The following FKBP6 variants were observed in gnomAD, a reference collection of about 807,000 sequenced individuals.
FKBP6 encodes the protein FKBP prolyl isomerase family member 6 (inactive).
FKBP6 carries 29 observed loss-of-function variants against 41.7 expected under a neutral mutation model. That is an observed-to-expected ratio of 0.70 (90% CI 0.52 to 0.95). The LOEUF (loss-of-function observed/expected upper bound fraction) is 0.95. Among genes scored for constraint, FKBP6 ranks in the 40% least tolerant of loss-of-function variants. The pLI is 0.00. For synonymous variants in FKBP6, 130 were observed against 165.1 expected, an observed-to-expected ratio of 0.79 and a Z score of 1.63; for missense variants, 338 against 408.7, an observed-to-expected ratio of 0.83 and a Z score of 1.49.
chr7:73,342,769 A>G, intron 7 of FKBP6, 38 bp from the exon 8 acceptor site: 1 of 1,431,028 alleles, frequency 7.0e-7, no homozygotes, highest in South Asian at 1.1e-5. Flanking sequence ...TCCTCCAAAC[A>G]CAGACCTCCT....
In FKBP6 at chr7:73,328,273, A is replaced by G. The variant is rs1554546635; in HGVS notation, c.-156A>G. The G allele has an allele frequency of 2.6e-6, 4 of 1,549,168 alleles. No individual in the cohort carries two copies. The South Asian group carries it at 3.6e-5, about 14-fold the overall frequency. On this transcript the variant is annotated 5_prime_UTR_variant, in exon 1 of 9. An upstream start codon of the reference 5' UTR is lost. Coordinates refer to ENST00000252037, the MANE Select transcript of FKBP6 (RefSeq NM_003602.5). ...CGTTGGCGGCGGTTGGAACGAAACG[A>G]TGAGTGCCTCCTCGTGGCCCCAGAA... is the stretch of plus-strand genomic sequence containing the variant.
intron 3 of FKBP6, chr7:73,329,791 C>T (rs1353998246): frequency 1.9e-6 from 1 of 522,286 alleles, no homozygotes; most frequent in Non-Finnish European, 3.5e-6. Flanking sequence ...CCTTAAGGAC[C>T]TCACAATGTA....
chr7:73,349,112 A>G (rs559725710), intron 8 of FKBP6, among the ~76,000 whole-genome samples: 1 of 152,058 alleles, frequency 6.6e-6, no homozygotes, highest in South Asian at 2.1e-4. Context: ...CCCAAAAAAA[A>G]AAATTTAAAA....
intron 6 of FKBP6, 145 bp downstream of exon 6, chr7:73,340,977 G>T: frequency 2.8e-6 from 2 of 716,716 alleles, no homozygotes; most frequent in East Asian, 2.7e-5. Context: ...AGGATGGAGT[G>T]CAGTGGCGCA....
intron 8 of FKBP6, among the ~76,000 whole-genome samples, chr7:73,356,849 C>T (rs965571750): frequency 1.3e-5 from 2 of 152,170 alleles, no homozygotes; most frequent in Admixed American, 6.5e-5. Context: ...GGCGTGATCT[C>T]GGCTCACTGC....
intron 8 of FKBP6, among the ~76,000 whole-genome samples, chr7:73,354,145 C>T (rs1805565478): frequency 6.6e-6 from 1 of 152,170 alleles, no homozygotes; most frequent in Non-Finnish European, 1.5e-5. Flanking sequence ...GGCCCACCCC[C>T]AAAACCGGGA....
intron 8 of FKBP6, among the ~76,000 whole-genome samples, chr7:73,348,609 C>G (rs1376711682): frequency 6.6e-6 from 1 of 152,218 alleles, no homozygotes; most frequent in Non-Finnish European, 1.5e-5. Context: ...AGTGCATACT[C>G]CACAGGTTAA....
At chr7:73,343,578 T>A (rs949820760) in intron 8 of FKBP6, among the ~76,000 whole-genome samples, 1 of 152,120 alleles carries the variant, frequency 6.6e-6, no homozygotes, top group Non-Finnish European at 1.5e-5. Flanking sequence ...TACTTTCTAT[T>A]AGACTTAGAG....
At chr7:73,328,829 A>G in intron 2 of FKBP6, 137 bp downstream of exon 2, 1 of 1,502,226 alleles carries the variant, frequency 6.7e-7, no homozygotes, top group Non-Finnish European at 9.2e-7. Context: ...TTGTTTTTGA[A>G]ACGGGGTCTT....
At chr7:73,336,553 CAGG>C (rs1289741112) in intron 5 of FKBP6, among the ~76,000 whole-genome samples, 2 of 152,046 alleles carry the variant, frequency 1.3e-5, no homozygotes, top group African/African-American at 4.8e-5. Context: ...GTAAAATTTT[CAGG>C]AGTTTTGTGC....
At chr7:73,330,966 C>T (rs1238326477) in intron 4 of FKBP6, among the ~76,000 whole-genome samples, 1 of 152,228 alleles carries the variant, frequency 6.6e-6, no homozygotes, top group Non-Finnish European at 1.5e-5. Flanking sequence ...CCATCTGTGG[C>T]CTTAGAGGTC....
At chr7:73,337,310 T>TC (rs1805036183) in intron 5 of FKBP6, among the ~76,000 whole-genome samples, 1 of 98,338 alleles carries the variant, frequency 1.0e-5, no homozygotes, top group Middle Eastern at 5.4e-3. Context: ...TTCCATGTTC[T>TC]TTTTTTTTTT....
At chr7:73,331,800 T>C in intron 5 of FKBP6, 24 bp downstream of exon 5, 2 of 1,608,668 alleles carry the variant, frequency 1.2e-6, no homozygotes, top group Non-Finnish European at 1.7e-6. Context: ...GAAAGTTAAG[T>C]GTAAGTTTAG....
chr7:73,341,918 G>A (rs1231410658), intron 7 of FKBP6, among the ~76,000 whole-genome samples: 5 of 151,658 alleles, frequency 3.3e-5, no homozygotes, highest in Non-Finnish European at 4.4e-5. Context: ...CCCCCACCTC[G>A]TCCTTCCAAA....
At chr7:73,357,589 G>A (rs982106430) in intron 8 of FKBP6, among the ~76,000 whole-genome samples, 2 of 151,912 alleles carry the variant, frequency 1.3e-5, no homozygotes, top group East Asian at 1.9e-4. Flanking sequence ...CTTCTGTCCC[G>A]TTGCCTGTGG....
intron 5 of FKBP6, among the ~76,000 whole-genome samples, chr7:73,335,181 A>G (rs1217562552): frequency 6.6e-6 from 1 of 151,272 alleles, no homozygotes; most frequent in African/African-American, 2.4e-5. Context: ...AAGGGAGGGC[A>G]GCTGCTGGGA....
chr7:73,345,356 C>T (rs1011191106), intron 8 of FKBP6, among the ~76,000 whole-genome samples: 1 of 152,068 alleles, frequency 6.6e-6, no homozygotes, highest in Non-Finnish European at 1.5e-5. Flanking sequence ...AGTCTCCCCT[C>T]GGCTTTGTTT....
At chr7:73,346,165 C>T (rs1474618970) in intron 8 of FKBP6, among the ~76,000 whole-genome samples, 6 of 152,174 alleles carry the variant, frequency 3.9e-5, no homozygotes, top group Non-Finnish European at 8.8e-5. Flanking sequence ...CCTGCTGTTC[C>T]CAAACATACC....
At chr7:73,357,931 T>A (rs1563327208) in intron 8 of FKBP6, among the ~76,000 whole-genome samples, 1 of 149,508 alleles carries the variant, frequency 6.7e-6, no homozygotes, top group Non-Finnish European at 1.5e-5. Context: ...GAGGTTGCAG[T>A]GAGCAGAGCC....
Sources: allele counts gnomAD v4.1 joint callset (sites outside exome capture counted in the v4.1 genomes callset), GRCh38; gene constraint gnomAD v4.1.1; transcripts MANE v1.5; gene names NCBI Gene and HGNC (gene_info 2026-07-23, HGNC 2026-07-21).